The following SND1 variants were observed in gnomAD, a reference collection of about 807,000 sequenced individuals.
SND1 encodes staphylococcal nuclease and tudor domain containing 1.
SND1 carries 38 observed loss-of-function variants against 121.7 expected under a neutral mutation model. The ratio of observed to expected loss-of-function variants is 0.31; its 90% CI spans 0.24 to 0.41. SND1 has a LOEUF of 0.41. SND1 is among the 10% of genes least tolerant of loss of function. The probability of loss-of-function intolerance (pLI) is 1.00; values close to 1 mark genes in which losing one functional copy is unlikely to be tolerated. For synonymous variants in SND1, 401 were observed against 447.4 expected (o/e 0.90, Z 1.31); for missense variants, 868 against 1,184.6 (o/e 0.73, Z 3.92).
chr7:127,726,420 C>A (rs934081157), intron 10 of SND1, among the ~76,000 whole-genome samples: 3 of 152,182 alleles, frequency 2.0e-5, no homozygotes, highest in African/African-American at 7.2e-5. Flanking sequence ...AGAAAGCTGA[C>A]GTGTGATGCT....
chr7:128,004,315 G>T (rs924626201), intron 16 of SND1, among the ~76,000 whole-genome samples: 2 of 152,142 alleles, frequency 1.3e-5, no homozygotes, highest in African/African-American at 2.4e-5. Flanking sequence ...CTCAGGTGTG[G>T]TGGGGAGGTT....
chr7:127,874,606 A>G (rs2116706108), intron 12 of SND1, among the ~76,000 whole-genome samples: 2 of 152,212 alleles, frequency 1.3e-5, no homozygotes, highest in South Asian at 4.1e-4. Context: ...TTGTTTCTCA[A>G]AGGATAGAGG....
chr7:127,914,632 A>G (rs1800532232), intron 14 of SND1, among the ~76,000 whole-genome samples: 2 of 152,174 alleles, frequency 1.3e-5, no homozygotes, highest in South Asian at 4.1e-4. Flanking sequence ...AAACAGCATG[A>G]ACTTGTATTT....
chr7:127,749,389 G>A (rs963332665), intron 10 of SND1, among the ~76,000 whole-genome samples: 26 of 152,308 alleles, frequency 1.7e-4, no homozygotes, highest in African/African-American at 6.0e-4. Flanking sequence ...TCTATCCTAA[G>A]GGTGTAGCTT....
At chr7:127,737,977 G>T (rs1236886716) in intron 10 of SND1, among the ~76,000 whole-genome samples, 1 of 152,132 alleles carries the variant, frequency 6.6e-6, no homozygotes, top group African/African-American at 2.4e-5. Flanking sequence ...TTTTTTACTG[G>T]CTTAATATTC....
intron 10 of SND1, among the ~76,000 whole-genome samples, chr7:127,767,979 T>C (rs1203075203): frequency 2.0e-5 from 3 of 152,160 alleles, no homozygotes; most frequent in African/African-American, 7.2e-5. Context: ...CTAGGCACCA[T>C]CTGAAGCCTA....
intron 15 of SND1, among the ~76,000 whole-genome samples, chr7:127,939,057 A>G (rs1426085285): frequency 6.6e-6 from 1 of 152,230 alleles, no homozygotes; most frequent in Non-Finnish European, 1.5e-5. Flanking sequence ...TAAATACTAT[A>G]CAAATGAGAA....
At chr7:127,758,782 G>A (rs1797244320) in intron 10 of SND1, among the ~76,000 whole-genome samples, 2 of 152,122 alleles carry the variant, frequency 1.3e-5, no homozygotes, top group Admixed American at 6.5e-5. Flanking sequence ...GGCTAGGCAC[G>A]GTGGCTCATG....
intron 12 of SND1, among the ~76,000 whole-genome samples, chr7:127,846,017 A>G: frequency 6.6e-6 from 1 of 152,156 alleles, no homozygotes; most frequent in East Asian, 1.9e-4. Flanking sequence ...GACAGAGATT[A>G]CTCTTTCAGC....
intron 10 of SND1, among the ~76,000 whole-genome samples, chr7:127,757,804 A>G (rs1275065119): frequency 6.6e-6 from 1 of 152,142 alleles, no homozygotes. Context: ...TGTTTTGTGA[A>G]TATCTTCTAA....
chr7:127,882,724 G>A (rs1009175142), intron 12 of SND1, among the ~76,000 whole-genome samples: 2 of 152,112 alleles, frequency 1.3e-5, no homozygotes, highest in Admixed American at 1.3e-4. Context: ...TTTTCCCCTG[G>A]CTACAGATGG....
At chr7:127,786,039 A>T (rs1388835032) in intron 10 of SND1, among the ~76,000 whole-genome samples, 1 of 151,806 alleles carries the variant, frequency 6.6e-6, no homozygotes, top group Non-Finnish European at 1.5e-5. Flanking sequence ...TTTGAGGGAC[A>T]TTTTTGCGGA....
intron 15 of SND1, among the ~76,000 whole-genome samples, chr7:127,929,845 A>G (rs1156404763): frequency 6.6e-6 from 1 of 152,092 alleles, no homozygotes. Flanking sequence ...CTCTTCCCAC[A>G]TCGATAGTAT....
Position 128,024,267 on chromosome 7 carries a change from C to T in SND1, c.1779+33211C>T, listed in dbSNP as rs78953259. On this transcript the variant is annotated intron_variant, in intron 16 of 23. Coordinates refer to ENST00000354725, the MANE Select transcript of SND1 (RefSeq NM_014390.4). ...AGAGTTGCTCTGAGCCAAAAGCTGC[C>T]TTGCAGTTTAGCTGAGGCAGGATTT... Among the ~76,000 whole-genome samples the T allele has an allele frequency of 4.2e-3, 632 of 152,260 alleles. 8 individuals are homozygous for T. Among genetic ancestry groups the T allele is most frequent in the African/African-American group, 0.015 (605 of 41,538 alleles).
chr7:128,023,860 C>T (rs1170169629), intron 16 of SND1, among the ~76,000 whole-genome samples: 1 of 152,128 alleles, frequency 6.6e-6, no homozygotes. Flanking sequence ...CTATGTCACA[C>T]ACATACATAT....
chr7:127,659,972 C>T (rs1795279709), intron 1 of SND1, among the ~76,000 whole-genome samples: 1 of 151,164 alleles, frequency 6.6e-6, no homozygotes, highest in East Asian at 1.9e-4. Flanking sequence ...TTTGAATTGC[C>T]GTTTATCTTG....
intron 12 of SND1, among the ~76,000 whole-genome samples, chr7:127,854,259 G>T (rs1274153421): frequency 6.6e-6 from 1 of 152,134 alleles, no homozygotes; most frequent in African/African-American, 2.4e-5. Flanking sequence ...CTCCCAAGTA[G>T]CTGGGATTAC....
At chr7:127,673,211 G>T (rs1013991592) in intron 1 of SND1, among the ~76,000 whole-genome samples, 2 of 145,866 alleles carry the variant, frequency 1.4e-5, no homozygotes, top group Non-Finnish European at 3.0e-5. Context: ...ATATATAATA[G>T]ATATCATGTA....
At chr7:127,660,696 A>G (rs922543858) in intron 1 of SND1, among the ~76,000 whole-genome samples, 2 of 152,232 alleles carry the variant, frequency 1.3e-5, no homozygotes, top group Non-Finnish European at 2.9e-5. Context: ...TTTTTGGATT[A>G]GGGATGTTCA....
Sources: allele counts gnomAD v4.1 joint callset (sites outside exome capture counted in the v4.1 genomes callset), GRCh38; gene constraint gnomAD v4.1.1; transcripts MANE v1.5; gene names NCBI Gene and HGNC (gene_info 2026-07-23, HGNC 2026-07-21).